The following CHODL variants were observed in gnomAD, a reference collection of about 807,000 sequenced individuals.
CHODL encodes the protein chondrolectin, also known as transmembrane protein MT75.
CHODL carries 29 observed loss-of-function variants against 34.5 expected under a neutral mutation model. The observed-to-expected ratio is 0.84, with a 90% confidence interval of 0.63 to 1.15. CHODL has a LOEUF of 1.15. Ranked by LOEUF, CHODL falls within the 50% of genes most tolerant of loss-of-function variation. The pLI is 0.00. For missense variants in CHODL, 332 were observed against 332.5 expected, an observed-to-expected ratio of 1.00 and a Z score of 0.01; for synonymous variants, 125 against 116.1, an observed-to-expected ratio of 1.08 and a Z score of -0.49.
intron 1 of CHODL, among the ~76,000 whole-genome samples, chr21:18,020,561 A>G (rs1190169924): frequency 6.6e-6 from 1 of 152,186 alleles, no homozygotes; most frequent in Non-Finnish European, 1.5e-5. Flanking sequence ...TAATCTCTCA[A>G]AATAAATTTA....
chr21:18,048,345 T>C (rs1487059222), intron 2 of CHODL, among the ~76,000 whole-genome samples: 1 of 151,930 alleles, frequency 6.6e-6, no homozygotes, highest in African/African-American at 2.4e-5. Flanking sequence ...TTTTAAAATA[T>C]TTATTTCTTT....
intron 3 of CHODL, among the ~76,000 whole-genome samples, chr21:18,257,586 A>G (rs1441976445): frequency 4.6e-5 from 7 of 152,162 alleles, no homozygotes; most frequent in Admixed American, 4.6e-4. Context: ...ATGGTATAAT[A>G]CTTGACATGT....
At chr21:18,040,070 T>G (rs1452438741) in intron 2 of CHODL, among the ~76,000 whole-genome samples, 1 of 151,886 alleles carries the variant, frequency 6.6e-6, no homozygotes, top group Non-Finnish European at 1.5e-5. Flanking sequence ...AGAAATATGT[T>G]ATTTAACTAT....
At chr21:18,236,802 G>A (rs2146764305) in intron 2 of CHODL, among the ~76,000 whole-genome samples, 1 of 152,146 alleles carries the variant, frequency 6.6e-6, no homozygotes, top group South Asian at 2.1e-4. Context: ...TATCCTCAAT[G>A]AAAATGTGCT....
chr21:18,149,961 G>C (rs2072943987), intron 2 of CHODL, among the ~76,000 whole-genome samples: 1 of 152,182 alleles, frequency 6.6e-6, no homozygotes, highest in Non-Finnish European at 1.5e-5. Flanking sequence ...TCAGGAGGTC[G>C]TGAGAACATG....
At chr21:18,078,416 G>C (rs2064892994) in intron 2 of CHODL, among the ~76,000 whole-genome samples, 1 of 152,060 alleles carries the variant, frequency 6.6e-6, no homozygotes, top group South Asian at 2.1e-4. Flanking sequence ...TCTCTCACCA[G>C]GTCCCTCCCA....
chr21:17,971,875 C>G (rs1470536790), intron 1 of CHODL, among the ~76,000 whole-genome samples: 2 of 152,084 alleles, frequency 1.3e-5, no homozygotes, highest in African/African-American at 4.8e-5. Context: ...AAATTTCAGG[C>G]CAATATTTCT....
At chr21:18,058,622 A>T (rs567767858) in intron 2 of CHODL, among the ~76,000 whole-genome samples, 2 of 152,184 alleles carry the variant, frequency 1.3e-5, no homozygotes, top group Non-Finnish European at 2.9e-5. Context: ...TCTCACTCAT[A>T]TGTGGGAGAA....
At chr21:18,074,378 A>G (rs539559724) in intron 2 of CHODL, among the ~76,000 whole-genome samples, 1 of 152,326 alleles carries the variant, frequency 6.6e-6, no homozygotes, top group East Asian at 1.9e-4. Context: ...TTTCTAAATT[A>G]GACTGTTATT....
At chr21:17,930,130 G>A (rs2063260351) in intron 1 of CHODL, among the ~76,000 whole-genome samples, 1 of 151,770 alleles carries the variant, frequency 6.6e-6, no homozygotes, top group Non-Finnish European at 1.5e-5. Flanking sequence ...TGGGAAGACA[G>A]GACACCTTTG....
chr21:18,176,294 G>A (rs1197343389), intron 2 of CHODL, among the ~76,000 whole-genome samples: 1 of 152,154 alleles, frequency 6.6e-6, no homozygotes, highest in Non-Finnish European at 1.5e-5. Context: ...TCCATTATTA[G>A]GGATACAGTT....
intron 2 of CHODL, among the ~76,000 whole-genome samples, chr21:18,191,352 A>T (rs1372157300): frequency 6.6e-6 from 1 of 152,164 alleles, no homozygotes; most frequent in African/African-American, 2.4e-5. Flanking sequence ...AGATAAAAAA[A>T]ATGGTTATAG....
At chr21:17,927,623 G>C (rs2063239575) in intron 1 of CHODL, among the ~76,000 whole-genome samples, 2 of 152,314 alleles carry the variant, frequency 1.3e-5, no homozygotes, top group Middle Eastern at 3.4e-3. Flanking sequence ...AGCAGCTGTA[G>C]GGTGGGAACA....
At chr21:18,141,995 G>GT (rs1156992378) in intron 2 of CHODL, among the ~76,000 whole-genome samples, 1 of 152,110 alleles carries the variant, frequency 6.6e-6, no homozygotes, top group East Asian at 1.9e-4. Context: ...AATGGAGACT[G>GT]TTTAATGAGT....
chr21:18,158,329 C>T (rs1452484762), intron 2 of CHODL, among the ~76,000 whole-genome samples: 1 of 151,976 alleles, frequency 6.6e-6, no homozygotes, highest in African/African-American at 2.4e-5. Context: ...TAGCATCTGC[C>T]TGAAACTTTA....
At chr21:18,089,231 A>C (rs1022341499) in intron 2 of CHODL, among the ~76,000 whole-genome samples, 1 of 152,150 alleles carries the variant, frequency 6.6e-6, no homozygotes, top group Non-Finnish European at 1.5e-5. Flanking sequence ...CTGTTCTTAC[A>C]GTTAGCAGTT....
intron 2 of CHODL, among the ~76,000 whole-genome samples, chr21:18,127,672 GTTTTTTTTTTTTTTTTT>G (rs71318127): frequency 4.3e-5 from 3 of 70,006 alleles, no homozygotes; most frequent in African/African-American, 1.1e-4. Context: ...CGTTGCCATT[GTTTTTTTTTTTTTTTTT>G]TTTTTTTTTT....
At chr21:17,939,622 A>G (rs1328222723) in intron 1 of CHODL, among the ~76,000 whole-genome samples, 1 of 152,192 alleles carries the variant, frequency 6.6e-6, no homozygotes, top group Non-Finnish European at 1.5e-5. Flanking sequence ...CTAACCAAAC[A>G]TCTACCATCC....
intron 1 of CHODL, among the ~76,000 whole-genome samples, chr21:17,932,720 G>T (rs2063284318): frequency 6.6e-6 from 1 of 152,324 alleles, no homozygotes; most frequent in South Asian, 2.1e-4. Context: ...ATCAAATACT[G>T]AAGGGGTGCG....
Sources: allele counts gnomAD v4.1 joint callset (sites outside exome capture counted in the v4.1 genomes callset), GRCh38; gene constraint gnomAD v4.1.1; transcripts MANE v1.5; gene names NCBI Gene and HGNC (gene_info 2026-07-23, HGNC 2026-07-21).